The following TF variants were observed in gnomAD, a reference collection of about 807,000 sequenced individuals.
TF encodes the protein transferrin.
In TF, 55 loss-of-function variants were observed where a neutral mutation model predicts 82.4. The observed-to-expected ratio is 0.67, with a 90% CI of 0.54 to 0.84. The LOEUF (loss-of-function observed/expected upper bound fraction) is 0.84, where lower values mean the gene tolerates loss of function less well. TF is among the 40% of genes least tolerant of loss of function. The probability of loss-of-function intolerance (pLI) is 0.00; values close to 1 mark genes in which losing one functional copy is unlikely to be tolerated. For synonymous variants in TF, 332 were observed against 332.6 expected, an observed-to-expected ratio of 1.00 and a Z score of 0.02; for missense variants, 737 against 868.4, an observed-to-expected ratio of 0.85 and a Z score of 1.90.
chr3:133,677,601 G>A, the TF span, among the ~76,000 whole-genome samples: 1 of 152,148 alleles, frequency 6.6e-6, no homozygotes, highest in Non-Finnish European at 1.5e-5. Flanking sequence ...TTGCGCCACT[G>A]CACTCCAGCC....
At chr3:133,747,773 A>G (rs755937134) in intron 1 of TF, among the ~76,000 whole-genome samples, 6 of 152,184 alleles carry the variant, frequency 3.9e-5, no homozygotes, top group Non-Finnish European at 8.8e-5. Flanking sequence ...AGAGTTACAG[A>G]CAAATTAATT....
the TF span, among the ~76,000 whole-genome samples, chr3:133,722,584 G>A: frequency 1.3e-5 from 2 of 151,930 alleles, no homozygotes; most frequent in African/African-American, 2.4e-5. Context: ...TTTATCTGTG[G>A]TTACCATGGG....
rs1218757503 is a variant in TF, at chr3:133,756,318, C to T, written c.672C>T (p.Val224=). 1 of 1,614,136 alleles carries T rather than the reference C, an allele frequency of 6.2e-7. No homozygotes were observed. The highest frequency in any genetic ancestry group is 8.5e-7 in the Non-Finnish European group (1 of 1,180,024). ...LKDGAGDVAF[V]KHSTIFENLA... is the part of the protein sequence containing the mutation. ...ATGGTGCTGGGGATGTGGCCTTTGT[C>T]AAGCACTCGACTATATTTGGTAAGA... Residue 224 remains valine, a synonymous_variant, in exon 6 of 17, where the codon GTC becomes GTT. Transcript: ENST00000402696.
chr3:133,767,886 C>A lies in TF; in HGVS notation c.1487-143C>A, dbSNP rs559792084. On this transcript the variant is annotated intron_variant, in intron 12 of 16. Transcript: ENST00000402696. Reference sequence around the variant, plus strand: ...TTCCCCTTTAAAGCCTATAGCCTGGCAAGTCCTGGGTTGGTGGTGGCTGGT... The same window carrying A: ...TTCCCCTTTAAAGCCTATAGCCTGGAAAGTCCTGGGTTGGTGGTGGCTGGT... 5.0e-6 allele frequency: 5 copies of A among 999,992 alleles called. No individual in the cohort carries two copies. The East Asian group carries it at 9.6e-5, about 19-fold the overall frequency. The allele number at this position is 999,992 out of a possible 1,614,324, so 61.9% of individuals were successfully genotyped here.
chr3:133,726,308 G>A, the TF span, among the ~76,000 whole-genome samples: 1 of 152,132 alleles, frequency 6.6e-6, no homozygotes, highest in Non-Finnish European at 1.5e-5. Context: ...TTGTTGGTAA[G>A]CTATTGATTA....
intron 1 of TF, chr3:133,747,143 G>T (rs1200551134): frequency 1.3e-5 from 2 of 154,342 alleles, no homozygotes; most frequent in African/African-American, 4.8e-5. Context: ...TCTAACTTCT[G>T]CCTGCCATTC....
the TF span, among the ~76,000 whole-genome samples, chr3:133,732,462 G>A: frequency 1.1e-3 from 162 of 152,318 alleles, 1 homozygote; most frequent in Non-Finnish European, 2.0e-3. Context: ...GCAGGATGTG[G>A]GTGGGGCCAA....
the TF span, among the ~76,000 whole-genome samples, chr3:133,680,822 C>T: frequency 1.1e-4 from 17 of 152,114 alleles, no homozygotes; most frequent in South Asian, 2.1e-4. Context: ...GTATAGGTTT[C>T]GGAGTCAAAC....
At chr3:133,760,974 C>T in intron 9 of TF, 1 of 153,906 alleles carries the variant, frequency 6.5e-6, no homozygotes, top group Middle Eastern at 7.3e-4. Flanking sequence ...TATTTGGTCC[C>T]ACACCTGTGA....
chr3:133,788,368 A>G lies in TF; in HGVS notation c.*9748A>G, dbSNP rs926323752. 2.6e-5 allele frequency: 4 copies of G among 152,236 alleles called. No homozygotes were observed. Among genetic ancestry groups the G allele is most frequent in the Non-Finnish European group, 4.4e-5 (3 of 68,036 alleles). 9.4% of individuals were successfully genotyped at this position (152,236 alleles called of 1,614,324 possible). On this transcript the variant is annotated 3_prime_UTR_variant, in exon 17 of 17. Coordinates refer to ENST00000402696, the MANE Select transcript of TF (RefSeq NM_001063.4). ...TAACCAATGGAAACCTTGAGAGGGT[A>G]TTTAAACCCGAGAAAATTCTGTAAC...
the TF span, chr3:133,699,535 A>T: frequency 4.2e-6 from 4 of 954,898 alleles, no homozygotes; most frequent in South Asian, 5.0e-5. Context: ...AAGGACTGCC[A>T]TTTGGCCTGG....
chr3:133,684,846 T>C, the TF span, among the ~76,000 whole-genome samples: 13 of 152,210 alleles, frequency 8.5e-5, no homozygotes, highest in African/African-American at 3.1e-4. Flanking sequence ...CCTCTGTAAC[T>C]TATTTTATGA....
rs750914901 is a variant in TF at position 133,781,261 on chromosome 3, A to C, written c.*2641A>C. On this transcript the variant is annotated 3_prime_UTR_variant, in exon 17 of 17. Coordinates refer to ENST00000402696, the MANE Select transcript of TF (RefSeq NM_001063.4). ...AACCTGGGAGGCAGAAGTTGTGGTG[A>C]GCCGAGATCGCACCATTGCACTCCA... The C allele has an allele frequency of 1.4e-4, 22 of 152,186 alleles. No individual in the cohort carries two copies. Among genetic ancestry groups the C allele is most frequent in the Non-Finnish European group, 2.5e-4 (17 of 68,058 alleles). 9.4% of individuals were successfully genotyped at this position (152,186 alleles called of 1,614,324 possible).
Position 133,770,616 on chromosome 3 carries a change from G to A in TF, c.1687+44G>A, listed in dbSNP as rs1011771499. On this transcript the variant is annotated intron_variant, in intron 14 of 16. Coordinates refer to ENST00000402696, the MANE Select transcript of TF (RefSeq NM_001063.4). ...CTGTCCCCCTAGATCACTAGATCCT[G>A]GTCACTGGTATTCACTTGTATTCAG... 7 of 1,593,956 alleles carry A rather than the reference G, an allele frequency of 4.4e-6. No individual in the cohort carries two copies. The African/African-American group carries it at 8.1e-5, about 18-fold the overall frequency.
At chr3:133,705,754 T>A in the TF span, among the ~76,000 whole-genome samples, 3 of 152,166 alleles carry the variant, frequency 2.0e-5, no homozygotes, top group Non-Finnish European at 4.4e-5. Context: ...TAGGTCTAAG[T>A]GTGTGAATTT....
chr3:133,728,318 C>T, the TF span, among the ~76,000 whole-genome samples: 1 of 152,240 alleles, frequency 6.6e-6, no homozygotes, highest in South Asian at 2.1e-4. Context: ...GGTCTGTTCA[C>T]ATAGTCCCAT....
chr3:133,704,681 A>G, the TF span, among the ~76,000 whole-genome samples: 2 of 152,198 alleles, frequency 1.3e-5, no homozygotes, highest in Admixed American at 1.3e-4. Flanking sequence ...ACATTTTATC[A>G]TAGGTGAGAA....
chr3:133,723,781 A>G, the TF span, among the ~76,000 whole-genome samples: 1 of 151,632 alleles, frequency 6.6e-6, no homozygotes, highest in Non-Finnish European at 1.5e-5. Flanking sequence ...AGCATTAGGT[A>G]TATCTCCTAA....
At chr3:133,675,580 A>G in the TF span, among the ~76,000 whole-genome samples, 1 of 152,228 alleles carries the variant, frequency 6.6e-6, no homozygotes, top group Non-Finnish European at 1.5e-5. Flanking sequence ...TGGCAAAAGT[A>G]AAATTTTGGG....
Sources: allele counts gnomAD v4.1 joint callset (sites outside exome capture counted in the v4.1 genomes callset), GRCh38; gene constraint gnomAD v4.1.1; transcripts MANE v1.5; gene names NCBI Gene and HGNC (gene_info 2026-07-23, HGNC 2026-07-21).